ERC2: variants seen among roughly 807,000 people sequenced by gnomAD.
ERC2 encodes the protein ERC protein 2.
Under a neutral mutation model 114.8 loss-of-function variants are expected in ERC2, and 42 were observed. The ratio of observed to expected loss-of-function variants is 0.37; its 90% CI spans 0.29 to 0.47. ERC2 has a LOEUF of 0.47. Ranked by LOEUF, ERC2 falls within the 20% of genes least tolerant of loss-of-function variation. The pLI, the probability that ERC2 is intolerant of heterozygous loss-of-function variation, is 0.99. For synonymous variants in ERC2, 454 were observed against 425.5 expected, an observed-to-expected ratio of 1.07 and a Z score of -0.82; for missense variants, 939 against 1,150.7, an observed-to-expected ratio of 0.82 and a Z score of 2.66.
intron 6 of ERC2, among the ~76,000 whole-genome samples, chr3:56,105,019 C>T (rs1458174186): frequency 6.6e-6 from 1 of 151,424 alleles, no homozygotes; most frequent in African/African-American, 2.4e-5. Flanking sequence ...AGGGAGAGGA[C>T]TTGAAGGAGG....
At chr3:56,046,004 G>T (rs187376930) in intron 7 of ERC2, among the ~76,000 whole-genome samples, 1 of 152,272 alleles carries the variant, frequency 6.6e-6, no homozygotes, top group Admixed American at 6.5e-5. Flanking sequence ...ACCTGATAAT[G>T]CAGATTCCTG....
intron 6 of ERC2, among the ~76,000 whole-genome samples, chr3:56,091,499 C>T (rs2077787866): frequency 6.6e-6 from 1 of 152,088 alleles, no homozygotes; most frequent in South Asian, 2.1e-4. Context: ...TTTGGAAGCT[C>T]CCAACACAAC....
At chr3:55,770,432 GA>G (rs1289306930) in intron 14 of ERC2, among the ~76,000 whole-genome samples, 1 of 152,152 alleles carries the variant, frequency 6.6e-6, no homozygotes, top group Non-Finnish European at 1.5e-5. Context: ...ACAATTGGAA[GA>G]ATTGGTAACA....
At chr3:55,618,744 G>C (rs1290035922) in intron 17 of ERC2, among the ~76,000 whole-genome samples, 1 of 152,118 alleles carries the variant, frequency 6.6e-6, no homozygotes, top group African/African-American at 2.4e-5. Flanking sequence ...TGAATTATTT[G>C]AAATGTTTAA....
At chr3:56,240,773 A>C (rs1310761565) in intron 3 of ERC2, among the ~76,000 whole-genome samples, 1 of 152,244 alleles carries the variant, frequency 6.6e-6, no homozygotes. Flanking sequence ...ACCACTTAGC[A>C]AATACTTGTA....
intron 14 of ERC2, among the ~76,000 whole-genome samples, chr3:55,829,811 C>T (rs1346805870): frequency 6.6e-6 from 1 of 152,154 alleles, no homozygotes; most frequent in Non-Finnish European, 1.5e-5. Flanking sequence ...AGGTATAATA[C>T]ACCACACCTG....
chr3:56,111,002 G>T (rs2078928618), intron 6 of ERC2, among the ~76,000 whole-genome samples: 1 of 151,984 alleles, frequency 6.6e-6, no homozygotes, highest in Non-Finnish European at 1.5e-5. Flanking sequence ...TGTTTTCAAG[G>T]GGGTGGGGGT....
At chr3:56,198,827 T>C (rs1452207) in intron 3 of ERC2, among the ~76,000 whole-genome samples, 4,448 of 152,218 alleles carry the variant, frequency 0.029, 68 homozygotes, top group Middle Eastern at 0.058. Context: ...AGGATCACCC[T>C]GGGACTGGGT....
intron 3 of ERC2, among the ~76,000 whole-genome samples, chr3:56,211,183 T>C (rs1384886513): frequency 3.3e-5 from 5 of 152,114 alleles, no homozygotes; most frequent in African/African-American, 1.2e-4. Context: ...GATACATAAC[T>C]GTATACCTGG....
intron 17 of ERC2, among the ~76,000 whole-genome samples, chr3:55,611,068 T>C (rs1021501745): frequency 6.6e-6 from 1 of 152,196 alleles, no homozygotes; most frequent in African/African-American, 2.4e-5. Flanking sequence ...CCAAAAATGG[T>C]AAAGCTTCAC....
chr3:55,600,637 A>G (rs1323583381), intron 17 of ERC2, among the ~76,000 whole-genome samples: 2 of 152,250 alleles, frequency 1.3e-5, no homozygotes, highest in African/African-American at 4.8e-5. Flanking sequence ...TGATTCCAGT[A>G]TATGACAGTG....
chr3:55,999,251 G>A (rs149067628), intron 10 of ERC2, among the ~76,000 whole-genome samples: 2 of 152,230 alleles, frequency 1.3e-5, no homozygotes, highest in East Asian at 3.9e-4. Context: ...GGAGTAGAAT[G>A]ATAGTTAAGC....
At chr3:56,298,636 C>A (rs1553913427) in intron 2 of ERC2, among the ~76,000 whole-genome samples, 1 of 148,984 alleles carries the variant, frequency 6.7e-6, no homozygotes, top group Non-Finnish European at 1.5e-5. Flanking sequence ...TTGTATGATT[C>A]CACTAATAGA....
At chr3:55,914,265 G>A (rs1272245196) in intron 13 of ERC2, among the ~76,000 whole-genome samples, 2 of 152,038 alleles carry the variant, frequency 1.3e-5, no homozygotes, top group East Asian at 1.9e-4. Flanking sequence ...AGAGCCACGC[G>A]CTCCCAAACC....
chr3:55,610,060 C>CAAAAAAAAAAAAA (rs1172154104), intron 17 of ERC2, among the ~76,000 whole-genome samples: 3 of 50,426 alleles, frequency 5.9e-5, no homozygotes, highest in Non-Finnish European at 1.1e-4. Flanking sequence ...CAAACAAACA[C>CAAAAAAAAAAAAA]AAACAAAAAA....
intron 2 of ERC2, among the ~76,000 whole-genome samples, chr3:56,300,997 C>T (rs890590339): frequency 2.2e-4 from 33 of 152,140 alleles, no homozygotes; most frequent in African/African-American, 7.5e-4. Flanking sequence ...CACCTGTAAT[C>T]CCAGCACTTC....
At chr3:56,051,897 T>C (rs1462052789) in intron 7 of ERC2, among the ~76,000 whole-genome samples, 1 of 151,636 alleles carries the variant, frequency 6.6e-6, no homozygotes, top group Admixed American at 6.6e-5. Flanking sequence ...CCTGGTCACA[T>C]TTATTTGTCA....
At chr3:55,907,349 T>C (rs2064519294) in intron 13 of ERC2, among the ~76,000 whole-genome samples, 1 of 152,190 alleles carries the variant, frequency 6.6e-6, no homozygotes, top group East Asian at 1.9e-4. Context: ...AGCCTCTGAT[T>C]CCTTAACTGT....
chr3:55,510,120 G>A lies in ERC2; in HGVS notation c.*1196C>T, dbSNP rs1338151764. On this transcript the variant is annotated 3_prime_UTR_variant, in exon 18 of 18. Transcript: ENST00000288221. ...AAAATTTGGTCTTTTTCCCTGGCATGTGCTTTAAATAATGACTGTATCCAC... is the reference window on the plus strand; with the variant it reads ...AAAATTTGGTCTTTTTCCCTGGCATATGCTTTAAATAATGACTGTATCCAC... The A allele has an allele frequency of 6.6e-6, 1 of 152,564 alleles. No homozygotes were observed. The highest frequency in any genetic ancestry group is 1.5e-5 in the Non-Finnish European group (1 of 68,024). 9.5% of individuals were successfully genotyped at this position (152,564 alleles called of 1,614,324 possible). A position where few individuals can be genotyped will look rare whatever the true frequency, so the allele number is the denominator to read the frequency against.
Sources: gnomAD v4.1 joint callset for allele counts (sites outside exome capture counted in the v4.1 genomes callset) on GRCh38, gnomAD v4.1.1 for gene constraint, MANE v1.5 for transcripts, NCBI Gene and HGNC (gene_info 2026-07-23, HGNC 2026-07-21) for gene names.